FARP1: variants seen among roughly 807,000 people sequenced by gnomAD.
FARP1 encodes the protein FERM, ARHGEF and pleckstrin domain-containing protein 1.
FARP1 carries 52 observed loss-of-function variants against 128.8 expected under a neutral mutation model. The observed-to-expected ratio is 0.40, with a 90% CI of 0.32 to 0.51. The LOEUF is 0.51. Among genes scored for constraint, FARP1 ranks in the 20% least tolerant of loss-of-function variants. FARP1 has a pLI of 0.45. For synonymous variants in FARP1, 580 were observed against 551.8 expected (o/e 1.05, Z -0.72); for missense variants, 1,333 against 1,367.9 (o/e 0.97, Z 0.40).
intron 2 of FARP1, among the ~76,000 whole-genome samples, chr13:98,311,549 CTG>C (rs111340108): frequency 3.3e-5 from 5 of 151,448 alleles, no homozygotes; most frequent in Admixed American, 1.3e-4. Flanking sequence ...AATCAGGGTG[CTG>C]TGTGTGTGTG....
At chr13:98,411,802 T>C in intron 15 of FARP1, 99 bp from the exon 16 acceptor site, 1 of 1,308,876 alleles carries the variant, frequency 7.6e-7, no homozygotes. Flanking sequence ...AAGCCCTGGC[T>C]CCTCCCAGTG....
In FARP1 at chr13:98,298,809, C is replaced by T. The variant is rs562617204; in HGVS notation, c.172-44953C>T. Among the ~76,000 whole-genome samples the T allele has an allele frequency of 2.0e-3, 297 of 152,186 alleles. 1 individual carries two copies. Among genetic ancestry groups the T allele is most frequent in the African/African-American group, 6.8e-3 (282 of 41,528 alleles). On this transcript the variant is annotated intron_variant, in intron 2 of 26. Coordinates refer to ENST00000319562, the MANE Select transcript of FARP1 (RefSeq NM_005766.4). ...TGTAATAATGTAGGTGAGTTACACC[C>T]GCTGATGGATGAGTAGTATGTTTCT...
At chr13:98,280,412 C>A (rs1231954412) in intron 2 of FARP1, among the ~76,000 whole-genome samples, 1 of 152,300 alleles carries the variant, frequency 6.6e-6, no homozygotes, top group African/African-American at 2.4e-5. Flanking sequence ...CAGGCTTCAT[C>A]CCAGGCTCAC....
intron 2 of FARP1, chr13:98,328,684 A>T (rs1887339839): frequency 6.6e-6 from 1 of 152,210 alleles, no homozygotes; most frequent in Non-Finnish European, 1.5e-5. Context: ...AGTTGCCAGC[A>T]TCACTACTGT....
intron 5 of FARP1, among the ~76,000 whole-genome samples, chr13:98,373,529 G>C (rs1488968988): frequency 8.8e-5 from 7 of 79,242 alleles, no homozygotes; most frequent in African/African-American, 4.2e-4. Flanking sequence ...GAGACAGACA[G>C]ACAGACACAC....
intron 2 of FARP1, among the ~76,000 whole-genome samples, chr13:98,221,854 A>C (rs1881432002): frequency 6.6e-6 from 1 of 152,180 alleles, no homozygotes; most frequent in South Asian, 2.1e-4. Context: ...CATTTGAAGG[A>C]AGTGCTCAGT....
At chr13:98,391,988 T>A (rs1180527076) in intron 11 of FARP1, among the ~76,000 whole-genome samples, 2 of 152,214 alleles carry the variant, frequency 1.3e-5, no homozygotes, top group African/African-American at 4.8e-5. Context: ...TCCTACTACT[T>A]AGAATTAACG....
chr13:98,392,301 A>G (rs1890334719), intron 11 of FARP1, among the ~76,000 whole-genome samples: 1 of 143,990 alleles, frequency 6.9e-6, no homozygotes, highest in Non-Finnish European at 1.5e-5. Context: ...CCTGGGTAAC[A>G]TGACGAAAGC....
chr13:98,416,577 G>A (rs1044714846), intron 16 of FARP1, among the ~76,000 whole-genome samples: 10 of 152,200 alleles, frequency 6.6e-5, no homozygotes, highest in African/African-American at 2.4e-4. Flanking sequence ...CAAGGAAACT[G>A]GTTTGGTGAG....
intron 1 of FARP1, among the ~76,000 whole-genome samples, chr13:98,168,315 A>G (rs928563075): frequency 1.3e-5 from 2 of 152,094 alleles, no homozygotes; most frequent in Non-Finnish European, 2.9e-5. Context: ...TTTATCGCTG[A>G]GTTTTGTTTC....
At chr13:98,179,467 A>G (rs1352804082) in intron 1 of FARP1, among the ~76,000 whole-genome samples, 1 of 152,146 alleles carries the variant, frequency 6.6e-6, no homozygotes, top group Non-Finnish European at 1.5e-5. Flanking sequence ...TACAGAGAAG[A>G]CTTATCTCAC....
At chr13:98,370,126 A>G (rs1020739822) in intron 5 of FARP1, among the ~76,000 whole-genome samples, 2 of 152,200 alleles carry the variant, frequency 1.3e-5, no homozygotes, top group African/African-American at 4.8e-5. Context: ...CTGGGTGATG[A>G]CTTCAGGCTG....
At position 98,431,075 on chromosome 13, in the gene FARP1, G is replaced by C. The variant is rs139439471; in HGVS notation, c.1938G>C (p.Glu646Asp). 385 of 1,614,120 alleles carry C rather than the reference G, an allele frequency of 2.4e-4. 5 individuals are homozygous for C. In the African/African-American group the frequency reaches 4.4e-3, roughly 18 times the overall value. The change falls in exon 18 of 27, where the codon GAG (glutamate) becomes GAC (aspartate). Residue 646 changes from glutamate to aspartate, a missense_variant. Glu to Asp is a conservative substitution (Grantham distance 45). Around this residue, in one of 2 missense-constraint regions of FARP1, gnomAD observed 1,009 missense variants for 969.8 expected, o/e 1.04. Transcript: ENST00000319562. ...HLAAHLWKHS[E>D]ALEALENGIK... ...CGGCTCACCTGTGGAAGCACAGCGA[G>C]GCCTTGGAGGCCCTGGAGAATGGAA...
chr13:98,429,054 G>A (rs1350062714), intron 17 of FARP1, among the ~76,000 whole-genome samples: 1 of 152,226 alleles, frequency 6.6e-6, no homozygotes, highest in African/African-American at 2.4e-5. Context: ...GAGGGAGGCT[G>A]GGTGAGGGGT....
intron 1 of FARP1, among the ~76,000 whole-genome samples, chr13:98,158,489 C>T (rs908559957): frequency 1.3e-5 from 2 of 152,078 alleles, no homozygotes; most frequent in East Asian, 1.9e-4. Context: ...ATGGTTATTC[C>T]AAGGAGTTTA....
At chr13:98,278,769 G>A (rs1884788981) in intron 2 of FARP1, among the ~76,000 whole-genome samples, 3 of 152,108 alleles carry the variant, frequency 2.0e-5, no homozygotes, top group Non-Finnish European at 4.4e-5. Flanking sequence ...TTATGAAGGT[G>A]TTTTGATACC....
intron 2 of FARP1, among the ~76,000 whole-genome samples, chr13:98,291,893 G>A (rs1209813075): frequency 3.3e-5 from 5 of 152,220 alleles, no homozygotes; most frequent in African/African-American, 1.2e-4. Flanking sequence ...TTCTTGGAGA[G>A]TGATTGTCTT....
chr13:98,184,387 C>T (rs1465437258), intron 1 of FARP1, among the ~76,000 whole-genome samples: 3 of 152,204 alleles, frequency 2.0e-5, no homozygotes, highest in Non-Finnish European at 2.9e-5. Context: ...GCTGGGATTA[C>T]AGGCATGAGC....
chr13:98,170,981 G>A (rs551916509), intron 1 of FARP1, among the ~76,000 whole-genome samples: 2 of 152,262 alleles, frequency 1.3e-5, no homozygotes, highest in East Asian at 3.9e-4. Flanking sequence ...AGCAGCAACT[G>A]GTCATTTTTG....
Sources: allele counts gnomAD v4.1 joint callset (sites outside exome capture counted in the v4.1 genomes callset), GRCh38; gene constraint gnomAD v4.1.1; regional missense constraint gnomAD v4.1.1; transcripts MANE v1.5; gene names NCBI Gene and HGNC (gene_info 2026-07-23, HGNC 2026-07-21).